Variants in DENND4A observed in about 807,000 individuals in gnomAD.
DENND4A encodes DENN domain containing 4A.
DENND4A carries 70 observed loss-of-function variants against 199.3 expected under a neutral mutation model. That is an observed-to-expected ratio of 0.35 (90% CI 0.29 to 0.43). The LOEUF (loss-of-function observed/expected upper bound fraction) is 0.43, where lower values mean the gene tolerates loss of function less well. Among genes scored for constraint, DENND4A ranks in the 20% least tolerant of loss-of-function variants. The probability of loss-of-function intolerance (pLI) is 1.00; values close to 1 mark genes in which losing one functional copy is unlikely to be tolerated. For missense variants in DENND4A, 1,723 were observed against 2,255.8 expected, an observed-to-expected ratio of 0.76 and a Z score of 4.78; for synonymous variants, 686 against 766.9, an observed-to-expected ratio of 0.89 and a Z score of 1.74.
At chr15:65,788,449 A>G (rs1002896139) in intron 1 of DENND4A, among the ~76,000 whole-genome samples, 3 of 152,190 alleles carry the variant, frequency 2.0e-5, no homozygotes, top group Non-Finnish European at 4.4e-5. Context: ...TAAGCATGAT[A>G]TTTTGGGTTA....
At chr15:65,706,508 A>ATTTTT (rs1555422315) in intron 14 of DENND4A, among the ~76,000 whole-genome samples, 2 of 136,010 alleles carry the variant, frequency 1.5e-5, no homozygotes, top group Admixed American at 1.4e-4. Context: ...ATATATATAT[A>ATTTTT]TTTTTTTTTG....
intron 1 of DENND4A, among the ~76,000 whole-genome samples, chr15:65,763,725 A>G (rs2076913238): frequency 6.6e-6 from 1 of 151,012 alleles, no homozygotes; most frequent in African/African-American, 2.4e-5. Context: ...CTTGAAATAG[A>G]GGGTGAAAAG....
At chr15:65,791,096 G>A (rs2077706058) in intron 1 of DENND4A, among the ~76,000 whole-genome samples, 1 of 152,156 alleles carries the variant, frequency 6.6e-6, no homozygotes, top group Non-Finnish European at 1.5e-5. Context: ...TATTCACAGA[G>A]TAATACAATT....
intron 23 of DENND4A, among the ~76,000 whole-genome samples, chr15:65,688,728 T>C (rs1406997902): frequency 6.6e-6 from 1 of 152,224 alleles, no homozygotes; most frequent in East Asian, 1.9e-4. Context: ...CTCTTGAAGT[T>C]TATCTGCCAG....
At chr15:65,715,657 T>A in intron 13 of DENND4A, 34 bp from the exon 14 acceptor site, 1 of 1,505,940 alleles carries the variant, frequency 6.6e-7, no homozygotes, top group Admixed American at 2.5e-5. Flanking sequence ...TCAGAATACA[T>A]AATATCATTC....
intron 23 of DENND4A, among the ~76,000 whole-genome samples, chr15:65,685,065 G>GTT (rs1567001127): frequency 1.3e-5 from 2 of 151,566 alleles, no homozygotes; most frequent in Non-Finnish European, 2.9e-5. Flanking sequence ...GACCTCAGGG[G>GTT]ATCTGCCCGC....
chr15:65,740,007 C>A (rs957505899), intron 5 of DENND4A, among the ~76,000 whole-genome samples: 1 of 151,840 alleles, frequency 6.6e-6, no homozygotes, highest in East Asian at 1.9e-4. Flanking sequence ...ACGGTGAAAC[C>A]CCATCTCTAC....
At chr15:65,751,143 A>G (rs2076550875) in intron 4 of DENND4A, among the ~76,000 whole-genome samples, 1 of 152,224 alleles carries the variant, frequency 6.6e-6, no homozygotes, top group African/African-American at 2.4e-5. Context: ...CACTACTGCA[A>G]TAATCCCATT....
chr15:65,681,662 G>A (rs973869196), intron 23 of DENND4A, among the ~76,000 whole-genome samples: 7 of 149,392 alleles, frequency 4.7e-5, no homozygotes, highest in South Asian at 2.1e-4. Flanking sequence ...TGCAACCTCC[G>A]CTTCCCAGAT....
intron 4 of DENND4A, among the ~76,000 whole-genome samples, chr15:65,749,322 T>C (rs552716837): frequency 6.6e-6 from 1 of 152,286 alleles, no homozygotes; most frequent in East Asian, 1.9e-4. Flanking sequence ...AGTAACCACC[T>C]CTTTAACTCT....
chr15:65,762,803 G>C (rs997301290), intron 1 of DENND4A, among the ~76,000 whole-genome samples: 1 of 151,844 alleles, frequency 6.6e-6, no homozygotes, highest in African/African-American at 2.4e-5. Flanking sequence ...ACCATTTTAC[G>C]TAAGGGGCTT....
Position 65,691,264 on chromosome 15 carries a change from A to T in DENND4A, c.3330T>A (p.Ile1110=). 6.2e-7 allele frequency: 1 copy of T among 1,613,114 alleles called. No homozygotes were observed. The highest frequency in any genetic ancestry group is 8.5e-7 in the Non-Finnish European group (1 of 1,179,608). The change falls in exon 23 of 33, where the codon ATT becomes ATA. Residue 1110 remains isoleucine (I), a synonymous_variant. Transcript: ENST00000443035. The part of the protein sequence containing the change: ...IVEKLGADAK[I]LSNVISKSTR... ...TGCTTTTTGAGATAACATTTGAAAG[A>T]ATTTTTGCATCAGCTCCCAATTTTT...
In DENND4A at chr15:65,701,824, G is replaced by A; in HGVS notation, c.2497C>T (p.Leu833Phe). The stretch of plus-strand genomic sequence containing the variant: ...ATACCAGCTTTCTGCATTTCAAAAA[G>A]CACTCGAACTGCAAGCACTGGCTGA... Reference protein sequence around the residue: ...YDQPVLAVRVLFEMQKAGIDP... With the variant: ...YDQPVLAVRVFFEMQKAGIDP... Residue 833 changes from leucine (L) to phenylalanine (F), a missense_variant, in exon 18 of 33, where the codon CTT becomes TTT. Physicochemically the swap from Leu to Phe is conservative, Grantham distance 22. Around this residue, in one of 6 missense-constraint regions of DENND4A, gnomAD observed 36 missense variants for 85.7 expected, o/e 0.42. Coordinates refer to ENST00000443035, the MANE Select transcript of DENND4A (RefSeq NM_001320835.1). The A allele has an allele frequency of 6.2e-7, 1 of 1,613,698 alleles. No homozygotes were observed. The highest frequency in any genetic ancestry group is 1.1e-5 in the South Asian group (1 of 91,078).
chr15:65,735,384 C>A (rs542339275), intron 7 of DENND4A, among the ~76,000 whole-genome samples: 20 of 152,076 alleles, frequency 1.3e-4, no homozygotes, highest in African/African-American at 4.1e-4. Context: ...TGTCAAAAAA[C>A]GAAAACAAAA....
At position 65,667,822 on chromosome 15, in the gene DENND4A, C is replaced by T; in HGVS notation, c.4986+103G>A. ...TAATTGTATCATGGGATAAGAGACT[C>T]TTCTTGGCAATAATAAAGCTAATAA... On this transcript the variant is annotated intron_variant, in intron 28 of 32. Coordinates refer to ENST00000443035, the MANE Select transcript of DENND4A (RefSeq NM_001320835.1). 3.4e-6 allele frequency: 5 copies of T among 1,491,498 alleles called. No individual in the cohort carries two copies. The South Asian group carries it at 6.2e-5, about 18-fold the overall frequency. The allele number at this position is 1,491,498 out of a possible 1,614,324, so 92.4% of individuals were successfully genotyped here. A position where few individuals can be genotyped will look rare whatever the true frequency, so the allele number is the denominator to read the frequency against.
chr15:65,683,804 T>A (rs2076661366), intron 23 of DENND4A, among the ~76,000 whole-genome samples: 1 of 152,200 alleles, frequency 6.6e-6, no homozygotes, highest in Admixed American at 6.5e-5. Flanking sequence ...TTGTAGTAAA[T>A]TTACCAACTT....
intron 14 of DENND4A, 110 bp from the exon 15 acceptor site, chr15:65,706,334 A>G (rs748659080): frequency 9.1e-7 from 1 of 1,101,222 alleles, no homozygotes; most frequent in East Asian, 3.1e-5. Flanking sequence ...CTAAACAGCT[A>G]TTAAAAAAGA....
chr15:65,737,865 T>C lies in DENND4A; in HGVS notation c.882A>G (p.Leu294=). The C allele has an allele frequency of 6.2e-7, 1 of 1,605,366 alleles. No individual in the cohort carries two copies. Among genetic ancestry groups the C allele is most frequent in the Non-Finnish European group, 8.5e-7 (1 of 1,175,436 alleles). The change falls in exon 7 of 33, where the codon TTA becomes TTG. Residue 294 remains leucine (L), a synonymous_variant. Transcript: ENST00000443035. ...TATCAGACTTCCCATCTGCTGATGT[T>C]AAACCCAAAAGAAGTCTCTGCTTTT... ...LTEKQRLLLG[L]TSADGKSDSS...
intron 15 of DENND4A, among the ~76,000 whole-genome samples, chr15:65,704,456 T>G (rs2074978066): frequency 6.6e-6 from 1 of 152,232 alleles, no homozygotes; most frequent in South Asian, 2.1e-4. Context: ...CACTGCAGTC[T>G]CAACCTCCCA....
Sources: gnomAD v4.1 joint callset for allele counts (sites outside exome capture counted in the v4.1 genomes callset) on GRCh38, gnomAD v4.1.1 for gene constraint, gnomAD v4.1.1 regional missense constraint, MANE v1.5 for transcripts, NCBI Gene and HGNC (gene_info 2026-07-23, HGNC 2026-07-21) for gene names.